Variants in PTPRA observed in about 807,000 individuals in gnomAD.
PTPRA encodes protein tyrosine phosphatase receptor type A.
A neutral mutation model predicts 104.8 loss-of-function variants in PTPRA; 25 were observed. The observed-to-expected ratio is 0.24, with a 90% CI of 0.17 to 0.33. The LOEUF is 0.33. PTPRA is among the 10% of genes least tolerant of loss of function. The probability of loss-of-function intolerance (pLI) is 1.00; values close to 1 mark genes in which losing one functional copy is unlikely to be tolerated. For synonymous variants in PTPRA, 323 were observed against 368.9 expected, an observed-to-expected ratio of 0.88 and a Z score of 1.43; for missense variants, 765 against 1,015.3, an observed-to-expected ratio of 0.75 and a Z score of 3.35.
intron 19 of PTPRA, 21 bp from the exon 20 acceptor site, chr20:3,027,686 C>G: frequency 2.5e-6 from 4 of 1,611,790 alleles, no homozygotes; most frequent in South Asian, 1.1e-5. Context: ...CTCACCCTTG[C>G]AATTAACCTG....
At chr20:3,004,184 ATTG>A (rs1600239137) in intron 9 of PTPRA, among the ~76,000 whole-genome samples, 1 of 151,874 alleles carries the variant, frequency 6.6e-6, no homozygotes, top group African/African-American at 2.4e-5. Context: ...TACCCAGCTA[ATTG>A]TTGTCTTTTT....
intron 9 of PTPRA, among the ~76,000 whole-genome samples, chr20:3,004,270 A>C (rs1316265961): frequency 1.3e-5 from 2 of 151,212 alleles, no homozygotes; most frequent in African/African-American, 4.9e-5. Context: ...CACCCGCCTC[A>C]GCCTCCCAAA....
chr20:2,892,272 A>G (rs565272342), intron 1 of PTPRA, among the ~76,000 whole-genome samples: 72 of 146,286 alleles, frequency 4.9e-4, no homozygotes, highest in African/African-American at 1.8e-3. Flanking sequence ...CCTGGGCAAC[A>G]GAATGAGACT....
chr20:2,912,342 G>A (rs1162264272), intron 1 of PTPRA, among the ~76,000 whole-genome samples: 2 of 152,102 alleles, frequency 1.3e-5, no homozygotes, highest in Non-Finnish European at 2.9e-5. Flanking sequence ...ATGTTTGGCC[G>A]GGCATGGTGG....
At chr20:2,886,860 AAAAAAAAAGGAAAAG>A (rs2090418841) in intron 1 of PTPRA, among the ~76,000 whole-genome samples, 1 of 148,190 alleles carries the variant, frequency 6.7e-6, no homozygotes, top group Non-Finnish European at 1.5e-5. Context: ...CTGTCTCAAA[AAAAAAAAAGGAAAAG>A]AAAAAAAAGA....
At position 3,022,664 on chromosome 20, in the gene PTPRA, A is replaced by C. The variant is rs746762958; in HGVS notation, c.1329-25A>C. 26 of 1,613,784 alleles carry C rather than the reference A, an allele frequency of 1.6e-5. No homozygotes were observed. Among genetic ancestry groups the C allele is most frequent in the Non-Finnish European group, 2.1e-5 (25 of 1,179,894 alleles). ...CCCACAAGGCAGGCTGGCCATCCCT[A>C]TAACCCCCTGCTCTCTGGCTACAGT... is the stretch of plus-strand genomic sequence containing the variant. On this transcript the variant is annotated intron_variant, in intron 15 of 23. Transcript: ENST00000399903. This position sits in a 1 kb window ranked among gnomAD's most constrained non-coding sequence, Gnocchi z 4.6.
the PTPRA span, among the ~76,000 whole-genome samples, chr20:2,867,022 C>A: frequency 6.6e-6 from 1 of 152,250 alleles, no homozygotes; most frequent in Admixed American, 6.5e-5. Context: ...GCAAGAACCA[C>A]GCTAAACACT....
At chr20:2,944,468 C>T (rs751271159) in intron 2 of PTPRA, among the ~76,000 whole-genome samples, 14 of 152,160 alleles carry the variant, frequency 9.2e-5, no homozygotes, top group African/African-American at 3.4e-4. Context: ...TCTCTCTTAA[C>T]GTAAGGAAGT....
At chr20:2,889,018 G>A (rs931703768) in intron 1 of PTPRA, among the ~76,000 whole-genome samples, 1 of 152,158 alleles carries the variant, frequency 6.6e-6, no homozygotes, top group African/African-American at 2.4e-5. Flanking sequence ...AGTTTTCAAA[G>A]GTTCTACTTT....
At chr20:2,978,130 T>C (rs902234593) in intron 6 of PTPRA, among the ~76,000 whole-genome samples, 1 of 152,132 alleles carries the variant, frequency 6.6e-6, no homozygotes, top group Admixed American at 6.5e-5. Flanking sequence ...AGAATGGGTG[T>C]GGTGGTCCAC....
chr20:3,021,224 T>C, intron 13 of PTPRA, 85 bp from the exon 14 acceptor site: 1 of 1,580,008 alleles, frequency 6.3e-7, no homozygotes. Context: ...TAATCTGGGC[T>C]TTGTGGGCTC....
intron 1 of PTPRA, among the ~76,000 whole-genome samples, chr20:2,894,047 G>GA (rs2058898908): frequency 6.6e-6 from 1 of 151,882 alleles, no homozygotes; most frequent in Non-Finnish European, 1.5e-5. Flanking sequence ...TAATGACATG[G>GA]AAAAAAGTAG....
chr20:2,867,492 GCACCCCC>G, the PTPRA span, among the ~76,000 whole-genome samples: 2 of 105,126 alleles, frequency 1.9e-5, no homozygotes, highest in African/African-American at 9.6e-5. Flanking sequence ...GCACTCCAGT[GCACCCCC>G]TCTGCTCTCC....
At chr20:3,013,347 TG>T (rs2064272941) in intron 11 of PTPRA, among the ~76,000 whole-genome samples, 1 of 152,070 alleles carries the variant, frequency 6.6e-6, no homozygotes, top group Non-Finnish European at 1.5e-5. Flanking sequence ...AGTTGGCAGG[TG>T]GGCTTCCAGC....
chr20:3,008,502 T>A (rs1182937973), intron 11 of PTPRA, among the ~76,000 whole-genome samples: 4 of 150,234 alleles, frequency 2.7e-5, no homozygotes, highest in East Asian at 2.0e-4. Flanking sequence ...GGGTACAGAG[T>A]TTCATCTGGG....
chr20:2,948,079 A>G (rs934437075), intron 3 of PTPRA, 55 bp downstream of exon 3: 1 of 891,770 alleles, frequency 1.1e-6, no homozygotes, highest in Non-Finnish European at 1.6e-6. Context: ...GGAAGAAAGG[A>G]AACATGGAAT....
chr20:2,992,680 T>TTTTAGGGTTTTTC (rs145314910), intron 9 of PTPRA, among the ~76,000 whole-genome samples: 2 of 151,890 alleles, frequency 1.3e-5, no homozygotes, highest in East Asian at 1.9e-4. Flanking sequence ...CATATCCAAA[T>TTTTAGGGTTTTTC]ATTACGATTC....
At chr20:2,986,132 C>T (rs891022691) in intron 6 of PTPRA, among the ~76,000 whole-genome samples, 9 of 152,134 alleles carry the variant, frequency 5.9e-5, no homozygotes, top group African/African-American at 2.2e-4. Context: ...GTCTCGAATA[C>T]CTTGGCTCAA....
chr20:2,871,576 G>A (rs562284118), upstream of PTPRA, among the ~76,000 whole-genome samples: 4 of 152,220 alleles, frequency 2.6e-5, no homozygotes, highest in African/African-American at 9.6e-5. Flanking sequence ...TAGATATAAG[G>A]CAAAAGTAAG....
Sources: allele counts gnomAD v4.1 joint callset (sites outside exome capture counted in the v4.1 genomes callset), GRCh38; gene constraint gnomAD v4.1.1; non-coding constraint Gnocchi (gnomAD v3.1); transcripts MANE v1.5; gene names NCBI Gene and HGNC (gene_info 2026-07-23, HGNC 2026-07-21).